VPS13C: variants seen among roughly 807,000 people sequenced by gnomAD.
VPS13C encodes the protein vacuolar protein sorting 13 homolog C, also known as intermembrane lipid transfer protein VPS13C.
VPS13C carries 358 observed loss-of-function variants against 456.8 expected under a neutral mutation model. The observed-to-expected ratio is 0.78, with a 90% CI of 0.72 to 0.86. VPS13C has a LOEUF of 0.86. Ranked by LOEUF, VPS13C falls within the 40% of genes least tolerant of loss-of-function variation. VPS13C has a pLI of 0.00. For synonymous variants in VPS13C, 1,578 were observed against 1,486.7 expected, an observed-to-expected ratio of 1.06 and a Z score of -1.41; for missense variants, 4,818 against 4,385.4, an observed-to-expected ratio of 1.10 and a Z score of -2.79.
intron 66 of VPS13C, among the ~76,000 whole-genome samples, chr15:61,890,921 C>A (rs924197852): frequency 6.6e-6 from 1 of 152,120 alleles, no homozygotes; most frequent in South Asian, 2.1e-4. Flanking sequence ...GTGGCGGGCA[C>A]CTGTAATCCC....
chr15:62,035,284 T>C (rs1292525116), intron 3 of VPS13C, among the ~76,000 whole-genome samples: 1 of 152,028 alleles, frequency 6.6e-6, no homozygotes, highest in Non-Finnish European at 1.5e-5. Flanking sequence ...AATATTTTGA[T>C]AATCATTATC....
chr15:62,041,907 T>A (rs1450151258), intron 2 of VPS13C, among the ~76,000 whole-genome samples: 1 of 152,138 alleles, frequency 6.6e-6, no homozygotes, highest in African/African-American at 2.4e-5. Context: ...TAGAAAAAGT[T>A]TGTAAATAGC....
chr15:61,865,183 C>G lies in VPS13C; in HGVS notation c.10864-1655G>C, dbSNP rs539167131. 55 of 984,778 alleles carry G rather than the reference C, an allele frequency of 5.6e-5. No homozygotes were observed. The South Asian group carries it at 2.4e-3, about 43-fold the overall frequency. 61.0% of individuals were successfully genotyped at this position (984,778 alleles called of 1,614,324 possible). A position where few individuals can be genotyped will look rare whatever the true frequency, so the allele number is the denominator to read the frequency against. On this transcript the variant is annotated intron_variant, in intron 81 of 84. Coordinates refer to ENST00000644861, the MANE Select transcript of VPS13C (RefSeq NM_020821.3). ...ATGCAACTCGAGGAATTTAACAATA[C>G]TTTGCAAAAGCCCTTTACCCAGTAA...
At chr15:61,910,154 T>G in intron 64 of VPS13C, 23 bp downstream of exon 64, 3 of 1,215,422 alleles carry the variant, frequency 2.5e-6, no homozygotes, top group Non-Finnish European at 3.1e-6. Context: ...AAAATAAAAA[T>G]AAAATAAAAT....
rs78308140 is a variant in VPS13C, at chr15:61,880,184, A to C, written c.10002+425T>G. On this transcript the variant is annotated intron_variant, in intron 73 of 84. Transcript: ENST00000644861. ...CCAATTTTCCACTCCCTTAGTTACA[A>C]GCAAATTTTGGAAGGGGGGAAAAAC... 5.3e-5 allele frequency among the ~76,000 whole-genome samples: 8 copies of C among 152,240 alleles called. No individual in the cohort carries two copies. In the East Asian group the frequency reaches 1.5e-3, roughly 29 times the overall value.
At chr15:61,890,084 CT>C in intron 67 of VPS13C, 80 bp downstream of exon 67, 1 of 1,322,438 alleles carries the variant, frequency 7.6e-7, no homozygotes. Context: ...AACCAGGTAT[CT>C]TTTTACTTTC....
intron 16 of VPS13C, among the ~76,000 whole-genome samples, chr15:61,996,291 TAA>T (rs558137690): frequency 8.5e-4 from 130 of 152,284 alleles, no homozygotes; most frequent in African/African-American, 2.9e-3. Flanking sequence ...ACCAAAGGTT[TAA>T]AGAGCTGAAC....
At chr15:61,947,863 T>G (rs1347100934) in intron 42 of VPS13C, among the ~76,000 whole-genome samples, 2 of 152,128 alleles carry the variant, frequency 1.3e-5, no homozygotes, top group African/African-American at 4.8e-5. Context: ...AAGGGCCAAC[T>G]TAAAAAATAC....
intron 1 of VPS13C, among the ~76,000 whole-genome samples, chr15:62,051,595 A>G (rs1166829562): frequency 6.6e-6 from 1 of 152,230 alleles, no homozygotes; most frequent in African/African-American, 2.4e-5. Flanking sequence ...ACCTCCCTGG[A>G]CAACAAAAAT....
intron 17 of VPS13C, 100 bp from the exon 18 acceptor site, chr15:61,991,194 C>A (rs533551737): frequency 1.1e-6 from 1 of 918,294 alleles, no homozygotes; most frequent in East Asian, 2.5e-5. Flanking sequence ...TCAACAGACA[C>A]AAATGCTAAA....
chr15:61,936,754 G>A lies in VPS13C; in HGVS notation c.5602-4C>T, dbSNP rs749684190. ...AGTCATCTTCACTGAGAGCAACCTA[G>A]AAACCACCAATAATTTGTTAACTCT... On this transcript the variant is annotated splice_polypyrimidine_tract_variant and splice_region_variant and intron_variant, in intron 47 of 84. Coordinates refer to ENST00000644861, the MANE Select transcript of VPS13C (RefSeq NM_020821.3). The A allele has an allele frequency of 1.9e-6, 3 of 1,597,214 alleles. No homozygotes were observed. The highest frequency in any genetic ancestry group is 1.7e-6 in the Non-Finnish European group (2 of 1,174,998).
At chr15:61,982,633 T>G in intron 20 of VPS13C, 60 bp from the exon 21 acceptor site, 1 of 1,198,774 alleles carries the variant, frequency 8.3e-7, no homozygotes, top group South Asian at 1.5e-5. Flanking sequence ...TATTGTAAAC[T>G]TCAAAGTTTC....
rs577293133 is a variant in VPS13C at position 61,882,497 on chromosome 15, T to C, written c.9624+99A>G. 4.4e-6 allele frequency: 5 copies of C among 1,127,752 alleles called. No homozygotes were observed. The South Asian group carries it at 1.4e-4, about 31-fold the overall frequency. 69.9% of individuals were successfully genotyped at this position (1,127,752 alleles called of 1,614,324 possible). ...AAAAAACATACAAACAAAGAAAAGA[T>C]ACCAATTACAATGTAAACTATATAG... On this transcript the variant is annotated intron_variant, in intron 69 of 84. Coordinates refer to ENST00000644861, the MANE Select transcript of VPS13C (RefSeq NM_020821.3).
intron 46 of VPS13C, among the ~76,000 whole-genome samples, chr15:61,941,187 C>A (rs985866012): frequency 6.6e-6 from 1 of 152,208 alleles, no homozygotes; most frequent in Non-Finnish European, 1.5e-5. Context: ...GTTATTGGTA[C>A]TTCTCCAGAC....
intron 19 of VPS13C, among the ~76,000 whole-genome samples, chr15:61,984,632 T>C (rs1427180238): frequency 6.6e-6 from 1 of 152,250 alleles, no homozygotes; most frequent in Non-Finnish European, 1.5e-5. Flanking sequence ...TTAAATACTA[T>C]CCAATAAATA....
intron 52 of VPS13C, 30 bp from the exon 53 acceptor site, chr15:61,925,578 C>G (rs747905212): frequency 6.8e-7 from 1 of 1,478,176 alleles, no homozygotes; most frequent in Non-Finnish European, 9.2e-7. Context: ...ATTCACATTT[C>G]CATAGATCCA....
chr15:61,862,571 T>C (rs1052633661), intron 82 of VPS13C, among the ~76,000 whole-genome samples: 17 of 152,202 alleles, frequency 1.1e-4, no homozygotes, highest in Admixed American at 6.5e-5. Context: ...GCTTAATCTA[T>C]TGAAGACAAT....
chr15:62,035,871 C>A (rs990079719), intron 3 of VPS13C, among the ~76,000 whole-genome samples: 7 of 151,902 alleles, frequency 4.6e-5, no homozygotes, highest in Non-Finnish European at 8.8e-5. Flanking sequence ...TATTACTGTC[C>A]CAATTTTGGG....
chr15:62,059,602 G>A (rs992348747), intron 1 of VPS13C, among the ~76,000 whole-genome samples: 3 of 152,164 alleles, frequency 2.0e-5, no homozygotes, highest in African/African-American at 4.8e-5. Flanking sequence ...GCTGGTCGAG[G>A]CTTGAATTTC....
Sources: gnomAD v4.1 joint callset for allele counts (sites outside exome capture counted in the v4.1 genomes callset) on GRCh38, gnomAD v4.1.1 for gene constraint, MANE v1.5 for transcripts, NCBI Gene and HGNC (gene_info 2026-07-23, HGNC 2026-07-21) for gene names.